MCC: variants seen among roughly 807,000 people sequenced by gnomAD.
MCC encodes MCC regulator of Wnt signaling pathway, also known as colorectal mutant cancer protein.
A neutral mutation model predicts 116.2 loss-of-function variants in MCC; 90 were observed. The ratio of observed to expected loss-of-function variants is 0.77; its 90% CI spans 0.65 to 0.92. The LOEUF (loss-of-function observed/expected upper bound fraction) is 0.92, where lower values mean the gene tolerates loss of function less well. MCC is among the 40% of genes least tolerant of loss of function. The pLI, the probability that MCC is intolerant of heterozygous loss-of-function variation, is 0.00. For missense variants in MCC, 1,516 were observed against 1,312.2 expected (o/e 1.16, Z -2.40); for synonymous variants, 578 against 510.5 (o/e 1.13, Z -1.78).
chr5:113,133,615 GA>G (rs1446236241), intron 5 of MCC, among the ~76,000 whole-genome samples: 1 of 152,074 alleles, frequency 6.6e-6, no homozygotes, highest in East Asian at 1.9e-4. Flanking sequence ...TCAATATATT[GA>G]TGTCTTTTCT....
In MCC at chr5:113,434,953, TGCTGTTCCTGCCTCCTAGAGGCCAA is replaced by T; in HGVS notation, c.171-49766_171-49742del. 7.6e-7 allele frequency: 1 copy of T among 1,313,150 alleles called. No individual in the cohort carries two copies. The highest frequency in any genetic ancestry group is 1.5e-5 in the South Asian group (1 of 66,202). 81.3% of individuals were successfully genotyped at this position (1,313,150 alleles called of 1,614,324 possible). A position where few individuals can be genotyped will look rare whatever the true frequency, so the allele number is the denominator to read the frequency against. The stretch of plus-strand genomic sequence containing the variant: ...GAGAGTCCTTTGGGCTGGCCAGGCC[TGCTGTTCCTGCCTCCTAGAGGCCAA>T]GACTCTGGAGTGGAACATTTGGCAC... On this transcript the variant is annotated intron_variant, in intron 1 of 18. Coordinates refer to ENST00000408903, the MANE Select transcript of MCC (RefSeq NM_001085377.2). The surrounding 1 kb of genome is among the most constrained non-coding windows in gnomAD (Gnocchi z 4.2).
intron 1 of MCC, among the ~76,000 whole-genome samples, chr5:113,432,340 A>G (rs956082345): frequency 5.0e-5 from 7 of 140,052 alleles, no homozygotes; most frequent in East Asian, 1.9e-4. Context: ...AAAAAAAAAA[A>G]AAAGAAAAGA....
At chr5:113,110,771 G>C (rs192027811) in intron 6 of MCC, among the ~76,000 whole-genome samples, 108 of 152,306 alleles carry the variant, frequency 7.1e-4, no homozygotes, top group African/African-American at 2.5e-3. Flanking sequence ...CTTGCATATG[G>C]GATAGGGCTA....
At chr5:113,030,536 C>T (rs190215329) in intron 17 of MCC, among the ~76,000 whole-genome samples, 1 of 151,986 alleles carries the variant, frequency 6.6e-6, no homozygotes, top group African/African-American at 2.4e-5. Context: ...AAAACTTAGC[C>T]AGATATGGTG....
At chr5:113,326,629 T>C (rs1285153847) in intron 3 of MCC, among the ~76,000 whole-genome samples, 3 of 152,254 alleles carry the variant, frequency 2.0e-5, no homozygotes, top group Non-Finnish European at 4.4e-5. Flanking sequence ...GGAGGGGACA[T>C]ATTCAACCCA....
chr5:113,239,027 T>TC (rs1764260266), intron 3 of MCC, among the ~76,000 whole-genome samples: 1 of 152,242 alleles, frequency 6.6e-6, no homozygotes, highest in South Asian at 2.1e-4. Context: ...ATGTTTTTTT[T>TC]CAATCTTATC....
At position 113,024,612 on chromosome 5, in the gene MCC, GT is replaced by G. The variant is rs1181539491; in HGVS notation, c.*2689del. Reference sequence around the variant, plus strand: ...ACAATTCAAAATACGAAATCTGAAGGTTTTTAACCTCATATAAATTAGAATC... The same window carrying G: ...ACAATTCAAAATACGAAATCTGAAGGTTTTAACCTCATATAAATTAGAATC... On this transcript the variant is annotated 3_prime_UTR_variant, in exon 19 of 19. Coordinates refer to ENST00000408903, the MANE Select transcript of MCC (RefSeq NM_001085377.2). 1 of 152,176 alleles carries G rather than the reference GT, an allele frequency of 6.6e-6. No homozygotes were observed. The highest frequency in any genetic ancestry group is 2.4e-5 in the African/African-American group (1 of 41,454). The allele number at this position is 152,176 out of a possible 1,614,324, so 9.4% of individuals were successfully genotyped here.
chr5:113,038,688 G>A (rs1307948304), intron 17 of MCC, among the ~76,000 whole-genome samples: 1 of 152,056 alleles, frequency 6.6e-6, no homozygotes, highest in East Asian at 1.9e-4. Flanking sequence ...CACGGCAGGT[G>A]TGATCGATCA....
chr5:113,321,663 C>T (rs556091147), intron 3 of MCC, among the ~76,000 whole-genome samples: 2 of 152,270 alleles, frequency 1.3e-5, no homozygotes, highest in African/African-American at 2.4e-5. Flanking sequence ...AAAGCAAATG[C>T]TCCCTATTTC....
chr5:113,352,590 T>C (rs1034172509), intron 2 of MCC, among the ~76,000 whole-genome samples: 4 of 152,088 alleles, frequency 2.6e-5, no homozygotes, highest in African/African-American at 9.7e-5. Flanking sequence ...CACCATCTGG[T>C]GGAAGGGTAG....
Position 113,434,681 on chromosome 5 carries a change from C to T in MCC, c.171-49469G>A. The stretch of plus-strand genomic sequence containing the variant: ...CAATTTCCCGGGGAAGGAATTTCTC[C>T]AAGAAGTCTGCGGGGGCCTTCTTGC... On this transcript the variant is annotated intron_variant, in intron 1 of 18. Coordinates refer to ENST00000408903, the MANE Select transcript of MCC (RefSeq NM_001085377.2). The surrounding 1 kb of genome is among the most constrained non-coding windows in gnomAD (Gnocchi z 4.2). 2.5e-6 allele frequency: 4 copies of T among 1,614,022 alleles called. No individual in the cohort carries two copies. Among genetic ancestry groups the T allele is most frequent in the Non-Finnish European group, 3.4e-6 (4 of 1,179,910 alleles).
chr5:113,251,080 C>A (rs1377042679), intron 3 of MCC, among the ~76,000 whole-genome samples: 1 of 152,190 alleles, frequency 6.6e-6, no homozygotes, highest in African/African-American at 2.4e-5. Context: ...TTCTATTTGG[C>A]CTCACTTTTC....
chr5:113,212,979 T>C (rs1396374205), intron 3 of MCC, among the ~76,000 whole-genome samples: 4 of 152,246 alleles, frequency 2.6e-5, no homozygotes, highest in Admixed American at 2.6e-4. Flanking sequence ...ACACATGTTC[T>C]TTCTGGTTCC....
Position 113,151,467 on chromosome 5 carries a change from G to A in MCC, c.628-45C>T, listed in dbSNP as rs765948461. 39 of 1,081,056 alleles carry A rather than the reference G, an allele frequency of 3.6e-5. No individual in the cohort carries two copies. In the Admixed American group the frequency reaches 7.2e-4, roughly 20 times the overall value. 67.0% of individuals were successfully genotyped at this position (1,081,056 alleles called of 1,614,324 possible). A position where few individuals can be genotyped will look rare whatever the true frequency, so the allele number is the denominator to read the frequency against. On this transcript the variant is annotated intron_variant, in intron 3 of 18. Transcript: ENST00000408903. ...GAGATTAGAGTATTGTAGCAGAGATGTATTTCCTTCCCTTCATTCCCGCAA... is the reference window on the plus strand; with the variant it reads ...GAGATTAGAGTATTGTAGCAGAGATATATTTCCTTCCCTTCATTCCCGCAA...
intron 3 of MCC, among the ~76,000 whole-genome samples, chr5:113,215,709 G>A (rs1224281873): frequency 4.6e-5 from 7 of 152,152 alleles, no homozygotes; most frequent in Admixed American, 1.3e-4. Flanking sequence ...GCCTGCCGGC[G>A]CAATGATCTT....
At chr5:113,357,315 C>T (rs1768438200) in intron 2 of MCC, among the ~76,000 whole-genome samples, 1 of 152,114 alleles carries the variant, frequency 6.6e-6, no homozygotes, top group South Asian at 2.1e-4. Context: ...GGAAAATGTA[C>T]ACTCTCAGCT....
chr5:113,365,500 C>A (rs918031401), intron 2 of MCC, among the ~76,000 whole-genome samples: 1 of 152,162 alleles, frequency 6.6e-6, no homozygotes. Flanking sequence ...TTTCTCTTAA[C>A]TTCCTATCTT....
intron 5 of MCC, among the ~76,000 whole-genome samples, chr5:113,132,950 T>C (rs992294701): frequency 3.3e-5 from 5 of 152,168 alleles, no homozygotes; most frequent in Admixed American, 1.3e-4. Flanking sequence ...GAGAACTCCC[T>C]AAGATTTCAA....
rs529992455 is a variant in MCC, at chr5:113,260,485, G to A, written c.627+80034C>T. Among the ~76,000 whole-genome samples, 87 of 152,178 alleles carry A rather than the reference G, an allele frequency of 5.7e-4. 1 individual carries two copies. Among genetic ancestry groups the A allele is most frequent in the Non-Finnish European group, 1.0e-3 (71 of 67,984 alleles). The stretch of plus-strand genomic sequence containing the variant: ...TCTGGCCTCATACAGATAAACAGTT[G>A]GAAAATGAAGGGTGTCTTGCAATCA... On this transcript the variant is annotated intron_variant, in intron 3 of 18. Transcript: ENST00000408903.
Sources: gnomAD v4.1 joint callset for allele counts (sites outside exome capture counted in the v4.1 genomes callset) on GRCh38, gnomAD v4.1.1 for gene constraint, Gnocchi (gnomAD v3.1) non-coding constraint, MANE v1.5 for transcripts, NCBI Gene and HGNC (gene_info 2026-07-23, HGNC 2026-07-21) for gene names.